Variants in SPSB1 observed in about 807,000 individuals in gnomAD.
SPSB1 encodes splA/ryanodine receptor domain and SOCS box containing 1.
A neutral mutation model predicts 21.2 loss-of-function variants in SPSB1; 8 were observed. The observed-to-expected ratio is 0.38, with a 90% CI of 0.22 to 0.68. SPSB1 has a LOEUF of 0.68. Ranked by LOEUF, SPSB1 falls within the 30% of genes least tolerant of loss-of-function variation. The pLI, the probability that SPSB1 is intolerant of heterozygous loss-of-function variation, is 0.53. For synonymous variants in SPSB1, 169 were observed against 161.7 expected (o/e 1.05, Z -0.34); for missense variants, 242 against 377.8 (o/e 0.64, Z 2.98).
Position 9,356,361 on chromosome 1 carries a change from C to G in SPSB1, c.470C>G (p.Pro157Arg). The change falls in exon 2 of 3, where the codon CCA becomes CGA. Residue 157 changes from proline to arginine, a missense_variant. Coordinates refer to ENST00000328089, the MANE Select transcript of SPSB1 (RefSeq NM_025106.4). This position sits in a 1 kb window ranked among gnomAD's most constrained non-coding sequence, Gnocchi z 7.4. ...CTCTACCACGATGGCAAGAACCAGC[C>G]AAGCAAAACATACCCAGCCTTTCTG... The part of the protein sequence containing the change: ...NRLYHDGKNQ[P>R]SKTYPAFLEP... The G allele has an allele frequency of 2.5e-6, 4 of 1,614,120 alleles. No individual in the cohort carries two copies. The highest frequency in any genetic ancestry group is 3.4e-6 in the Non-Finnish European group (4 of 1,180,044).
intron 1 of SPSB1, among the ~76,000 whole-genome samples, chr1:9,313,884 C>T (rs986920161): frequency 6.6e-6 from 1 of 152,080 alleles, no homozygotes; most frequent in African/African-American, 2.4e-5. Context: ...TAGGAGTGAA[C>T]AAGACAACTG....
intron 1 of SPSB1, among the ~76,000 whole-genome samples, chr1:9,340,329 C>T (rs188414222): frequency 2.4e-4 from 36 of 152,280 alleles, no homozygotes; most frequent in East Asian, 2.1e-3. Context: ...GCCGGAGCCC[C>T]GCGGTCTGAC....
At chr1:9,325,071 C>T (rs992246501) in intron 1 of SPSB1, among the ~76,000 whole-genome samples, 1 of 152,188 alleles carries the variant, frequency 6.6e-6, no homozygotes, top group Non-Finnish European at 1.5e-5. Flanking sequence ...AGTGGCTGCA[C>T]TCGCTGGAAG....
rs776808212 is a variant in SPSB1 at position 9,367,455 on chromosome 1, G to T, written c.702G>T (p.Pro234=). The change falls in exon 3 of 3, where the codon CCG becomes CCT. Residue 234 remains proline (P), a synonymous_variant. Coordinates refer to ENST00000328089, the MANE Select transcript of SPSB1 (RefSeq NM_025106.4). This position sits in a 1 kb window ranked among gnomAD's most constrained non-coding sequence, Gnocchi z 5.9. ...MRYLNGLDPE[P]LPLMDLCRRS... ...GTTTCTCTGTCTCCCCAGCCGAGCC[G>T]CTGCCGCTCATGGATTTGTGCCGTC... 6.2e-7 allele frequency: 1 copy of T among 1,613,630 alleles called. No homozygotes were observed.
chr1:9,346,117 T>G lies in SPSB1; in HGVS notation c.-149-9626T>G, dbSNP rs541824867. Among the ~76,000 whole-genome samples, 1 of 152,348 alleles carries G rather than the reference T, an allele frequency of 6.6e-6. No individual in the cohort carries two copies. The highest frequency in any genetic ancestry group is 1.5e-5 in the Non-Finnish European group (1 of 68,034). ...GCTGAGCCAGGCTGCAGAGATTGAT[T>G]CTGATAAAATAGCAGATTGCTCGGG... On this transcript the variant is annotated intron_variant, in intron 1 of 2. Coordinates refer to ENST00000328089, the MANE Select transcript of SPSB1 (RefSeq NM_025106.4). This position sits in a 1 kb window ranked among gnomAD's most constrained non-coding sequence, Gnocchi z 4.4.
At chr1:9,358,943 CTTAG>C (rs1358648339) in intron 2 of SPSB1, among the ~76,000 whole-genome samples, 4 of 152,332 alleles carry the variant, frequency 2.6e-5, no homozygotes, top group African/African-American at 9.6e-5. Context: ...CGATTTCCTG[CTTAG>C]TTAGCTCTGC....
chr1:9,333,840 C>G (rs77176763), intron 1 of SPSB1, among the ~76,000 whole-genome samples: 18 of 152,276 alleles, frequency 1.2e-4, no homozygotes, highest in African/African-American at 4.3e-4. Flanking sequence ...TCCTCTCCAG[C>G]GCGGCTCCGG....
Position 9,346,546 on chromosome 1 carries a change from C to T in SPSB1, c.-149-9197C>T, listed in dbSNP as rs975525449. Among the ~76,000 whole-genome samples, 1 of 152,196 alleles carries T rather than the reference C, an allele frequency of 6.6e-6. No individual in the cohort carries two copies. The highest frequency in any genetic ancestry group is 1.9e-4 in the East Asian group (1 of 5,192). On this transcript the variant is annotated intron_variant, in intron 1 of 2. Transcript: ENST00000328089. This position sits in a 1 kb window ranked among gnomAD's most constrained non-coding sequence, Gnocchi z 4.4. Reference sequence around the variant, plus strand: ...GGTAATTTTTAGAGGAAGCAAGGCTCGGGAACAATTGATCTGAAAGCATTT... The same window carrying T: ...GGTAATTTTTAGAGGAAGCAAGGCTTGGGAACAATTGATCTGAAAGCATTT...
At chr1:9,319,682 C>A (rs1294045) in intron 1 of SPSB1, among the ~76,000 whole-genome samples, 44,639 of 152,074 alleles carry the variant, frequency 0.29, 7,407 homozygotes, top group East Asian at 0.66. Flanking sequence ...GCCAAGCCTG[C>A]TCGTCTGGCC....
rs1403139254 is a variant in SPSB1, at chr1:9,293,972, CTGAG to C, written c.-150+904_-150+907del. On this transcript the variant is annotated intron_variant, in intron 1 of 2. Coordinates refer to ENST00000328089, the MANE Select transcript of SPSB1 (RefSeq NM_025106.4). The surrounding 1 kb of genome is among the most constrained non-coding windows in gnomAD (Gnocchi z 5.1). ...AGTGCATCTGTGTATTTATGTGCCT[CTGAG>C]TGTGTGTGTGAGTCTGTGTGTCTGT... Among the ~76,000 whole-genome samples, 2 of 151,484 alleles carry C rather than the reference CTGAG, an allele frequency of 1.3e-5. No individual in the cohort carries two copies. Among genetic ancestry groups the C allele is most frequent in the East Asian group, 1.9e-4 (1 of 5,180 alleles).
At chr1:9,359,597 G>T (rs2100518504) in intron 2 of SPSB1, among the ~76,000 whole-genome samples, 1 of 152,112 alleles carries the variant, frequency 6.6e-6, no homozygotes, top group African/African-American at 2.4e-5. Context: ...AGCTACTTGG[G>T]AGGCTGAGGC....
intron 1 of SPSB1, among the ~76,000 whole-genome samples, chr1:9,302,815 T>C (rs1198624282): frequency 6.6e-6 from 1 of 152,114 alleles, no homozygotes; most frequent in Non-Finnish European, 1.5e-5. Flanking sequence ...ATGGTGCTGG[T>C]TTCTCCCGTA....
intron 1 of SPSB1, among the ~76,000 whole-genome samples, chr1:9,343,617 G>A (rs143160541): frequency 1.1e-3 from 166 of 152,280 alleles, no homozygotes; most frequent in African/African-American, 3.8e-3. Flanking sequence ...TAAACACAGC[G>A]ACATTTTCAT....
intron 1 of SPSB1, among the ~76,000 whole-genome samples, chr1:9,330,655 T>C (rs1639900393): frequency 1.3e-5 from 2 of 151,940 alleles, no homozygotes; most frequent in African/African-American, 2.4e-5. Flanking sequence ...TCCCCTCCTT[T>C]TTCTCTCCCT....
intron 1 of SPSB1, among the ~76,000 whole-genome samples, chr1:9,308,261 G>T (rs1378706138): frequency 6.6e-6 from 1 of 152,164 alleles, no homozygotes; most frequent in Non-Finnish European, 1.5e-5. Context: ...GCCCTGACTG[G>T]TGGCACCTAG....
chr1:9,304,086 C>T (rs1639375907), intron 1 of SPSB1, among the ~76,000 whole-genome samples: 1 of 152,178 alleles, frequency 6.6e-6, no homozygotes, highest in Admixed American at 6.5e-5. Context: ...CTGGATGGAA[C>T]AAAAAGCTGG....
chr1:9,294,483 A>G (rs1226015148), intron 1 of SPSB1: 1 of 152,284 alleles, frequency 6.6e-6, no homozygotes, highest in African/African-American at 2.4e-5. Context: ...CAGACACCCC[A>G]CTAGGCAAGC....
intron 1 of SPSB1, among the ~76,000 whole-genome samples, chr1:9,308,081 T>C (rs1459586247): frequency 6.6e-6 from 1 of 152,258 alleles, no homozygotes; most frequent in Non-Finnish European, 1.5e-5. Flanking sequence ...TTAACCCGTC[T>C]GGGACCAGAA....
In SPSB1 at chr1:9,305,302, C is replaced by T. The variant is rs1639392742; in HGVS notation, c.-150+12231C>T. 6.6e-6 allele frequency among the ~76,000 whole-genome samples: 1 copy of T among 152,216 alleles called. No homozygotes were observed. The highest frequency in any genetic ancestry group is 2.4e-5 in the African/African-American group (1 of 41,462). ...ACTCCTCCCCTCTTCCCAGGGATGT[C>T]CCCTTCAGCAGGTAGCCCTGCCATC... On this transcript the variant is annotated intron_variant, in intron 1 of 2. Coordinates refer to ENST00000328089, the MANE Select transcript of SPSB1 (RefSeq NM_025106.4). The surrounding 1 kb of genome is among the most constrained non-coding windows in gnomAD (Gnocchi z 4.8).
Sources: allele counts gnomAD v4.1 joint callset (sites outside exome capture counted in the v4.1 genomes callset), GRCh38; gene constraint gnomAD v4.1.1; non-coding constraint Gnocchi (gnomAD v3.1); transcripts MANE v1.5; gene names NCBI Gene and HGNC (gene_info 2026-07-23, HGNC 2026-07-21).